The following PARP14 variants were observed in gnomAD, a reference collection of about 807,000 sequenced individuals.
PARP14 encodes the protein protein mono-ADP-ribosyltransferase PARP14.
PARP14 carries 59 observed loss-of-function variants against 154.2 expected under a neutral mutation model. The ratio of observed to expected loss-of-function variants is 0.38; its 90% CI spans 0.31 to 0.48. The LOEUF (loss-of-function observed/expected upper bound fraction) is 0.48, where lower values mean the gene tolerates loss of function less well. Ranked by LOEUF, PARP14 falls within the 20% of genes least tolerant of loss-of-function variation. The pLI is 0.98. For synonymous variants in PARP14, 720 were observed against 780.5 expected (o/e 0.92, Z 1.29); for missense variants, 1,734 against 2,131.6 (o/e 0.81, Z 3.67).
At chr3:122,692,031 C>A (rs570703216) in intron 3 of PARP14, among the ~76,000 whole-genome samples, 3 of 152,080 alleles carry the variant, frequency 2.0e-5, no homozygotes, top group Non-Finnish European at 2.9e-5. Flanking sequence ...AAATGAAAAT[C>A]TTTTTATCCC....
At chr3:122,696,218 C>T (rs764916753) in intron 5 of PARP14, among the ~76,000 whole-genome samples, 4 of 152,112 alleles carry the variant, frequency 2.6e-5, no homozygotes, top group Non-Finnish European at 4.4e-5. Context: ...ATATAGACTG[C>T]CAGTTCTCTG....
chr3:122,725,649 T>C (rs1933269813), intron 15 of PARP14, among the ~76,000 whole-genome samples: 1 of 152,184 alleles, frequency 6.6e-6, no homozygotes, highest in Non-Finnish European at 1.5e-5. Context: ...TCCCACTCTT[T>C]TTCTTTTAAT....
At chr3:122,685,431 GA>G in intron 2 of PARP14, 113 bp downstream of exon 2, 1 of 962,204 alleles carries the variant, frequency 1.0e-6, no homozygotes, top group South Asian at 1.5e-5. Flanking sequence ...AAACTGCAGC[GA>G]GAAAAGCAGA....
intron 3 of PARP14, among the ~76,000 whole-genome samples, chr3:122,687,436 A>G (rs1938407567): frequency 6.6e-6 from 1 of 152,220 alleles, no homozygotes; most frequent in Non-Finnish European, 1.5e-5. Context: ...GCCATAGAGA[A>G]GCAAGGACAC....
chr3:122,680,865 G>C lies in PARP14; in HGVS notation c.-19G>C, dbSNP rs965467100. On this transcript the variant is annotated 5_prime_UTR_variant, in exon 1 of 17. Transcript: ENST00000474629. ...GAGTTGGCGCGGCCCCTGCAGTCCG[G>C]CGGAGAGCGGAGCTGAGGATGGCTG... is the stretch of plus-strand genomic sequence containing the variant. The C allele has an allele frequency of 6.3e-7, 1 of 1,583,626 alleles. No individual in the cohort carries two copies. The highest frequency in any genetic ancestry group is 1.4e-5 in the African/African-American group (1 of 73,954).
intron 9 of PARP14, among the ~76,000 whole-genome samples, chr3:122,709,454 T>C (rs1478488992): frequency 6.6e-6 from 1 of 152,218 alleles, no homozygotes; most frequent in East Asian, 1.9e-4. Flanking sequence ...CACTTGTTGG[T>C]TGATGGACAC....
intron 15 of PARP14, chr3:122,721,202 A>G (rs17271231): frequency 0.053 from 13,927 of 263,848 alleles, 493 homozygotes; most frequent in Middle Eastern, 0.082. Flanking sequence ...CTTGGATTCA[A>G]CTATTAGTTC....
chr3:122,690,561 G>A (rs922114746), intron 3 of PARP14, among the ~76,000 whole-genome samples: 1 of 152,100 alleles, frequency 6.6e-6, no homozygotes, highest in East Asian at 1.9e-4. Flanking sequence ...GCCCAGACTG[G>A]AGTGCAGTGG....
chr3:122,725,039 T>G (rs920132209), intron 15 of PARP14, among the ~76,000 whole-genome samples: 1 of 152,226 alleles, frequency 6.6e-6, no homozygotes, highest in African/African-American at 2.4e-5. Flanking sequence ...GAGTCTCCTA[T>G]GTCTACTTCT....
intron 1 of PARP14, among the ~76,000 whole-genome samples, chr3:122,684,850 C>A (rs1316672142): frequency 3.9e-5 from 6 of 152,092 alleles, no homozygotes; most frequent in African/African-American, 1.4e-4. Context: ...AGTGTCAGGT[C>A]CTGTACCAAG....
intron 14 of PARP14, 90 bp from the exon 15 acceptor site, chr3:122,720,165 T>C: frequency 7.8e-7 from 1 of 1,280,336 alleles, no homozygotes. Flanking sequence ...ATGCTTAGAA[T>C]TGGGAGATAG....
rs763101562 is a variant in PARP14, at chr3:122,699,419, G to A, written c.865G>A (p.Asp289Asn). The A allele has an allele frequency of 1.2e-5, 19 of 1,609,976 alleles. No individual in the cohort carries two copies. Among genetic ancestry groups the A allele is most frequent in the Middle Eastern group, 3.3e-4 (2 of 6,036 alleles). ...AGACACCATCATGGCCACAAAACTC[G>A]ACTTCAATAAAATGCCACTTTCTGT... ...VLDTIMATKL[D>N]FNKMPLSVFP... Residue 289 changes from aspartate (D) to asparagine (N), a missense_variant, in exon 6 of 17, where the codon GAC becomes AAC. Transcript: ENST00000474629.
chr3:122,699,290 A>G (rs534605703), intron 5 of PARP14, 100 bp from the exon 6 acceptor site: 90 of 636,634 alleles, frequency 1.4e-4, no homozygotes, highest in Admixed American at 1.2e-3. Context: ...TGTTAGAAAA[A>G]CATTAGATTT....
chr3:122,701,504 G>A lies in PARP14; in HGVS notation c.2950G>A (p.Asp984Asn). The A allele has an allele frequency of 1.2e-6, 2 of 1,613,596 alleles. No homozygotes were observed. Among genetic ancestry groups the A allele is most frequent in the Non-Finnish European group, 1.7e-6 (2 of 1,179,638 alleles). ...AACTGTATTTAAAGCCACCCTGCCA[G>A]ATACAGCTGCCCCGCCAGGTTTACC... ...VKTVFKATLP[D>N]TAAPPGLPPA... The change falls in exon 6 of 17, where the codon GAT becomes AAT. Residue 984 changes from aspartate (D) to asparagine (N), a missense_variant. Physicochemically the swap from Asp to Asn is conservative, Grantham distance 23. Transcript: ENST00000474629. This position sits in a 1 kb window ranked among gnomAD's most constrained non-coding sequence, Gnocchi z 4.0.
At chr3:122,704,117 T>A (rs1167297737) in intron 7 of PARP14, 139 bp downstream of exon 7, 2 of 645,800 alleles carry the variant, frequency 3.1e-6, no homozygotes, top group East Asian at 5.4e-5. Context: ...TTCCATCATG[T>A]GGCCATTTCT....
At position 122,692,376 on chromosome 3, in the gene PARP14, G is replaced by A. The variant is rs1938569732; in HGVS notation, c.431G>A (p.Cys144Tyr). The change falls in exon 4 of 17, where the codon TGT becomes TAT. Residue 144 changes from cysteine to tyrosine, a missense_variant. Cys to Tyr is a radical substitution (Grantham distance 194). Coordinates refer to ENST00000474629, the MANE Select transcript of PARP14 (RefSeq NM_017554.3). ...LDKMEDIPEE[C>Y]ENISSLVAFE... Reference sequence around the variant, plus strand: ...AAAATGGAAGATATCCCAGAGGAATGTGAAAATATTTCCTCTTTGGTGGCA... The same window carrying A: ...AAAATGGAAGATATCCCAGAGGAATATGAAAATATTTCCTCTTTGGTGGCA... The A allele has an allele frequency of 6.2e-7, 1 of 1,612,886 alleles. No individual in the cohort carries two copies. Among genetic ancestry groups the A allele is most frequent in the African/African-American group, 1.3e-5 (1 of 74,926 alleles).
At chr3:122,705,315 T>C (rs1939119075) in intron 8 of PARP14, among the ~76,000 whole-genome samples, 1 of 152,220 alleles carries the variant, frequency 6.6e-6, no homozygotes, top group South Asian at 2.1e-4. Flanking sequence ...AGAATCCAAA[T>C]AAGGCCCACA....
rs565539795 is a variant in PARP14, at chr3:122,726,698, T to A, written c.4942-1114T>A. ...AAAAATTACTTGACATAATTATTTT[T>A]AAAAATTTTAAAAGGTAAGAAACAA... On this transcript the variant is annotated intron_variant, in intron 15 of 16. Coordinates refer to ENST00000474629, the MANE Select transcript of PARP14 (RefSeq NM_017554.3). 3.9e-5 allele frequency among the ~76,000 whole-genome samples: 6 copies of A among 152,268 alleles called. No individual in the cohort carries two copies. In the South Asian group the frequency reaches 8.3e-4, roughly 21 times the overall value.
chr3:122,698,409 T>G (rs1938848174), intron 5 of PARP14, among the ~76,000 whole-genome samples: 2 of 152,134 alleles, frequency 1.3e-5, no homozygotes, highest in Admixed American at 1.3e-4. Context: ...TGCACACACA[T>G]GCAAACACAC....
Sources: gnomAD v4.1 joint callset for allele counts (sites outside exome capture counted in the v4.1 genomes callset) on GRCh38, gnomAD v4.1.1 for gene constraint, Gnocchi (gnomAD v3.1) non-coding constraint, MANE v1.5 for transcripts, NCBI Gene and HGNC (gene_info 2026-07-23, HGNC 2026-07-21) for gene names.